The following ANKAR variants were observed in gnomAD, a reference collection of about 807,000 sequenced individuals.
ANKAR encodes the protein ankyrin and armadillo repeat containing.
A neutral mutation model predicts 146.2 loss-of-function variants in ANKAR; 136 were observed. That is an observed-to-expected ratio of 0.93 (90% confidence interval 0.81 to 1.07). The LOEUF is 1.07. Ranked by LOEUF, ANKAR falls within the 50% of genes least tolerant of loss-of-function variation. ANKAR has a pLI of 0.00. For missense variants in ANKAR, 1,567 were observed against 1,679.9 expected (o/e 0.93, Z 1.18); for synonymous variants, 500 against 575.8 (o/e 0.87, Z 1.88).
chr2:189,701,633 T>C (rs2038068300), intron 7 of ANKAR, among the ~76,000 whole-genome samples: 1 of 152,252 alleles, frequency 6.6e-6, no homozygotes, highest in Non-Finnish European at 1.5e-5. Flanking sequence ...TCATTTCTTT[T>C]ACAGTGTTTT....
intron 2 of ANKAR, among the ~76,000 whole-genome samples, chr2:189,681,572 A>G (rs1172900761): frequency 6.6e-6 from 1 of 152,218 alleles, no homozygotes; most frequent in Non-Finnish European, 1.5e-5. Context: ...TTCTACACCT[A>G]CATTTTCAGG....
intron 18 of ANKAR, chr2:189,752,699 C>G (rs1441218357): frequency 6.2e-7 from 1 of 1,613,874 alleles, no homozygotes; most frequent in East Asian, 2.2e-5. Flanking sequence ...ATGCCCAAGC[C>G]AGCACGTAGT....
chr2:189,703,363 T>A (rs997330815), intron 7 of ANKAR, among the ~76,000 whole-genome samples: 1 of 152,044 alleles, frequency 6.6e-6, no homozygotes, highest in Non-Finnish European at 1.5e-5. Flanking sequence ...TTTTTAGACT[T>A]GGTGATGGGC....
chr2:189,719,329 T>C (rs2040965620), intron 10 of ANKAR, among the ~76,000 whole-genome samples: 1 of 152,294 alleles, frequency 6.6e-6, no homozygotes, highest in African/African-American at 2.4e-5. Flanking sequence ...TAATATAAAA[T>C]GTTTGATCAT....
chr2:189,681,382 C>T (rs1343297154), intron 2 of ANKAR, among the ~76,000 whole-genome samples: 1 of 152,146 alleles, frequency 6.6e-6, no homozygotes, highest in Non-Finnish European at 1.5e-5. Flanking sequence ...TACATCAAGC[C>T]ACTTCATGGC....
intron 3 of ANKAR, among the ~76,000 whole-genome samples, chr2:189,691,461 A>G (rs1003077261): frequency 6.6e-6 from 1 of 152,026 alleles, no homozygotes; most frequent in African/African-American, 2.4e-5. Flanking sequence ...CTTCTTTATA[A>G]TGTCTCCTTT....
chr2:189,712,465 T>C (rs1157860999), intron 10 of ANKAR, among the ~76,000 whole-genome samples: 1 of 151,672 alleles, frequency 6.6e-6, no homozygotes, highest in Admixed American at 6.6e-5. Context: ...CTGCTGGTGA[T>C]TTCTAGGCAA....
chr2:189,722,845 G>A (rs1474364546), intron 12 of ANKAR, among the ~76,000 whole-genome samples: 2 of 149,984 alleles, frequency 1.3e-5, no homozygotes, highest in African/African-American at 4.9e-5. Flanking sequence ...TCATGCCACT[G>A]CACTCCAGCC....
intron 2 of ANKAR, among the ~76,000 whole-genome samples, chr2:189,688,320 G>A (rs771562090): frequency 1.1e-4 from 16 of 152,094 alleles, no homozygotes; most frequent in East Asian, 1.9e-4. Context: ...TGGTCTAGGC[G>A]TCTGTTTTTA....
chr2:189,737,583 A>G (rs1464976591), intron 17 of ANKAR, 100 bp from the exon 18 acceptor site: 1 of 1,048,268 alleles, frequency 9.5e-7, no homozygotes, highest in Non-Finnish European at 1.3e-6. Context: ...TCCCAGTGAT[A>G]AGAATGCAAT....
At chr2:189,676,309 CAGTT>C in intron 1 of ANKAR, 143 bp from the exon 2 acceptor site, 1 of 599,004 alleles carries the variant, frequency 1.7e-6, no homozygotes, top group Non-Finnish European at 2.7e-6. Flanking sequence ...TCATATACTG[CAGTT>C]ATTTTTAATT....
rs375538957 is a variant in ANKAR, at chr2:189,719,524, G to A, written c.2225-48G>A. 2.1e-5 allele frequency: 31 copies of A among 1,505,266 alleles called. No homozygotes were observed. In the African/African-American group the frequency reaches 3.8e-4, roughly 19 times the overall value. The allele number at this position is 1,505,266 out of a possible 1,614,324, so 93.2% of individuals were successfully genotyped here. ...TGCCATGATAAATTGACTACAAATG[G>A]TTACCAATAATTCATGCTTTTTAAT... On this transcript the variant is annotated intron_variant, in intron 10 of 22. Coordinates refer to ENST00000684021, the MANE Select transcript of ANKAR (RefSeq NM_001378068.1).
At chr2:189,695,269 C>T (rs2037034484) in intron 6 of ANKAR, 108 bp downstream of exon 6, 1 of 937,272 alleles carries the variant, frequency 1.1e-6, no homozygotes, top group African/African-American at 1.7e-5. Context: ...TTAAAGTCTT[C>T]AACATGAAAT....
intron 18 of ANKAR, chr2:189,754,220 A>C: frequency 6.2e-7 from 1 of 1,613,906 alleles, no homozygotes; most frequent in South Asian, 1.1e-5. Context: ...AATTTTTAGC[A>C]TGATGCAAGG....
At chr2:189,724,782 T>C (rs2041676213) in intron 12 of ANKAR, among the ~76,000 whole-genome samples, 1 of 152,202 alleles carries the variant, frequency 6.6e-6, no homozygotes, top group East Asian at 1.9e-4. Context: ...CTAAAGGATA[T>C]AGTTAGCTAC....
At chr2:189,690,047 G>A in intron 3 of ANKAR, 83 bp downstream of exon 3, 1 of 1,003,422 alleles carries the variant, frequency 1.0e-6, no homozygotes, top group Non-Finnish European at 1.4e-6. Context: ...TCTAGTATAT[G>A]GGTGCAGGCA....
intron 18 of ANKAR, chr2:189,752,753 A>G (rs1015628749): frequency 2.5e-6 from 4 of 1,613,710 alleles, no homozygotes; most frequent in Non-Finnish European, 1.7e-6. Flanking sequence ...AATAAAATCA[A>G]TAGCTCCAAG....
intron 12 of ANKAR, 34 bp downstream of exon 12, chr2:189,720,821 C>T: frequency 7.1e-7 from 1 of 1,410,900 alleles, no homozygotes. Flanking sequence ...TTTATAATGA[C>T]CAGATATATT....
intron 7 of ANKAR, among the ~76,000 whole-genome samples, chr2:189,703,375 G>A (rs1051538788): frequency 1.4e-4 from 22 of 152,126 alleles, no homozygotes; most frequent in African/African-American, 5.1e-4. Flanking sequence ...GTGATGGGCT[G>A]GTTATGGAGA....
Sources: gnomAD v4.1 joint callset for allele counts (sites outside exome capture counted in the v4.1 genomes callset) on GRCh38, gnomAD v4.1.1 for gene constraint, MANE v1.5 for transcripts, NCBI Gene and HGNC (gene_info 2026-07-23, HGNC 2026-07-21) for gene names.